The following SLC9A7 variants were observed in gnomAD, a reference collection of about 807,000 sequenced individuals.
SLC9A7 encodes the protein solute carrier family 9 member A7.
Under a neutral mutation model 52.6 loss-of-function variants are expected in SLC9A7, and 19 were observed. The observed-to-expected ratio is 0.36, with a 90% CI of 0.25 to 0.53. The LOEUF is 0.53. Ranked by LOEUF, SLC9A7 falls within the 20% of genes least tolerant of loss-of-function variation. SLC9A7 has a pLI of 0.91. For missense variants in SLC9A7, 455 were observed against 597.9 expected, an observed-to-expected ratio of 0.76 and a Z score of 2.49; for synonymous variants, 226 against 252.1, an observed-to-expected ratio of 0.90 and a Z score of 0.98.
At chrX:46,657,837 C>T (rs1311785378) in intron 7 of SLC9A7, among the ~76,000 whole-genome samples, 4 of 106,327 alleles carry the variant, frequency 3.8e-5, no homozygotes, top group Admixed American at 2.1e-4. Flanking sequence ...AACAAGGATA[C>T]CCAGGAATTG....
intron 10 of SLC9A7, among the ~76,000 whole-genome samples, chrX:46,649,779 T>C (rs1393373805): frequency 8.9e-6 from 1 of 112,504 alleles, no homozygotes; most frequent in Non-Finnish European, 1.9e-5. Context: ...CAGGTAATGC[T>C]TATAAAGTAC....
intron 10 of SLC9A7, among the ~76,000 whole-genome samples, chrX:46,649,820 T>C (rs1943553309): frequency 8.9e-6 from 1 of 112,705 alleles, no homozygotes; most frequent in African/African-American, 3.2e-5. Context: ...CAAAAGTCCT[T>C]AAGTGGTAAG....
intron 1 of SLC9A7, among the ~76,000 whole-genome samples, chrX:46,684,329 C>T (rs192209729): frequency 8.4e-4 from 93 of 111,127 alleles, no homozygotes; most frequent in African/African-American, 2.7e-3. Context: ...CTCAGCCTCC[C>T]GAGTAGCTGG....
intron 1 of SLC9A7, among the ~76,000 whole-genome samples, chrX:46,699,325 T>C (rs1314835554): frequency 8.9e-6 from 1 of 111,934 alleles, no homozygotes; most frequent in Admixed American, 9.5e-5. Flanking sequence ...CCATCGTTGC[T>C]GTGCTGCACA....
intron 1 of SLC9A7, among the ~76,000 whole-genome samples, chrX:46,754,055 G>A (rs978895040): frequency 1.8e-5 from 2 of 109,746 alleles, no homozygotes; most frequent in African/African-American, 3.3e-5. Flanking sequence ...TTTTTTTCTA[G>A]GTATTAACCA....
intron 5 of SLC9A7, among the ~76,000 whole-genome samples, chrX:46,663,520 C>T (rs1342159560): frequency 3.8e-5 from 4 of 106,529 alleles, no homozygotes; most frequent in Admixed American, 1.0e-4. Context: ...TGCCTGTAAT[C>T]CCAGCTACTT....
chrX:46,654,625 C>A (rs761204671), intron 7 of SLC9A7, among the ~76,000 whole-genome samples: 4 of 109,822 alleles, frequency 3.6e-5, no homozygotes, highest in Non-Finnish European at 7.6e-5. Context: ...AGACCCTGAC[C>A]CCTGTGCACC....
chrX:46,720,713 A>C, intron 1 of SLC9A7, among the ~76,000 whole-genome samples: 1 of 110,683 alleles, frequency 9.0e-6, no homozygotes, highest in Admixed American at 9.7e-5. Flanking sequence ...CCCCACATAC[A>C]CCTTGCATCC....
chrX:46,640,748 G>C (rs1376612237), intron 12 of SLC9A7, among the ~76,000 whole-genome samples: 2 of 112,472 alleles, frequency 1.8e-5, no homozygotes, highest in East Asian at 5.5e-4. Context: ...TTTCACCAAA[G>C]AAGACATATA....
At chrX:46,631,352 C>G (rs1328862432) in intron 14 of SLC9A7, among the ~76,000 whole-genome samples, 1 of 112,216 alleles carries the variant, frequency 8.9e-6, no homozygotes, top group East Asian at 2.8e-4. Context: ...CGAGCCCACA[C>G]CCTTCATAAT....
At position 46,606,592 on chromosome X, in the gene SLC9A7, G is replaced by T. The variant is rs1942747105; in HGVS notation, c.*360C>A. ...TTGCACTGCTGTGTACTGAGATGCA[G>T]CCTCTCATGGGAGGAATCCCCCCAC... On this transcript the variant is annotated 3_prime_UTR_variant, in exon 17 of 17. Coordinates refer to ENST00000616978, the MANE Select transcript of SLC9A7 (RefSeq NM_001257291.2). 1.1e-6 allele frequency: 1 copy of T among 880,953 alleles called. No individual in the cohort carries two copies. Among genetic ancestry groups the T allele is most frequent in the African/African-American group, 2.1e-5 (1 of 48,756 alleles). The allele number at this position is 880,953 out of a possible 1,213,427, so 72.6% of individuals were successfully genotyped here.
rs766594727 is a variant in SLC9A7, at chrX:46,607,523, T to C, written c.1930-320A>G. ...CACACAAAGCAAGGCCAGAGTAGGG[T>C]AATTGGGCAAACGTTGCAAATAGGT... On this transcript the variant is annotated intron_variant, in intron 16 of 16. Transcript: ENST00000616978. Among the ~76,000 whole-genome samples the C allele has an allele frequency of 7.2e-5, 8 of 111,523 alleles. No individual in the cohort carries two copies. In the South Asian group the frequency reaches 2.7e-3, roughly 37 times the overall value.
At chrX:46,646,078 T>TTTTTTG (rs1008939591) in intron 11 of SLC9A7, among the ~76,000 whole-genome samples, 20 of 111,806 alleles carry the variant, frequency 1.8e-4, no homozygotes, top group Non-Finnish European at 2.8e-4. Flanking sequence ...GAAACTGTTT[T>TTTTTTG]TTTTTGTTTT....
At chrX:46,757,490 G>T (rs1383820802) in intron 1 of SLC9A7, among the ~76,000 whole-genome samples, 1 of 112,527 alleles carries the variant, frequency 8.9e-6, no homozygotes, top group Non-Finnish European at 1.9e-5. Flanking sequence ...AACATGAGAA[G>T]CAAGGCCCAG....
chrX:46,719,282 C>T (rs1247487947), intron 1 of SLC9A7, among the ~76,000 whole-genome samples: 3 of 65,299 alleles, frequency 4.6e-5, no homozygotes, highest in Admixed American at 4.6e-4. Flanking sequence ...CATCACACAC[C>T]GGGGCCTGTC....
rs535651032 is a variant in SLC9A7 at position 46,741,697 on chromosome X, G to A, written c.325+17008C>T. On this transcript the variant is annotated intron_variant, in intron 1 of 16. Coordinates refer to ENST00000616978, the MANE Select transcript of SLC9A7 (RefSeq NM_001257291.2). ...AAAATGCAAAACCATAAAACATTTA[G>A]GAGAAAACATAGGAGAAAATCTTCT... is the stretch of plus-strand genomic sequence containing the variant. Among the ~76,000 whole-genome samples, 30 of 111,027 alleles carry A rather than the reference G, an allele frequency of 2.7e-4. No individual in the cohort carries two copies. In the South Asian group the frequency reaches 9.3e-3, roughly 34 times the overall value.
chrX:46,617,552 T>G (rs996916802), intron 15 of SLC9A7, among the ~76,000 whole-genome samples: 1 of 111,928 alleles, frequency 8.9e-6, no homozygotes, highest in African/African-American at 3.2e-5. Context: ...AAGAAAAAAT[T>G]AGCAGCTACC....
chrX:46,731,566 C>T (rs1249105151), intron 1 of SLC9A7, among the ~76,000 whole-genome samples: 1 of 109,113 alleles, frequency 9.2e-6, no homozygotes, highest in Non-Finnish European at 1.9e-5. Context: ...TATGCCACTG[C>T]AGTCCAGCCT....
At chrX:46,714,561 T>C (rs1944740425) in intron 1 of SLC9A7, among the ~76,000 whole-genome samples, 1 of 111,681 alleles carries the variant, frequency 9.0e-6, no homozygotes. Context: ...TCCATACTTA[T>C]GGACAACACA....
Sources: gnomAD v4.1 joint callset for allele counts (sites outside exome capture counted in the v4.1 genomes callset) on GRCh38, gnomAD v4.1.1 for gene constraint, MANE v1.5 for transcripts, NCBI Gene and HGNC (gene_info 2026-07-23, HGNC 2026-07-21) for gene names.